Variants in PPM1B observed in about 807,000 individuals in gnomAD.
PPM1B encodes the protein protein phosphatase 1B.
PPM1B carries 22 observed loss-of-function variants against 43.0 expected under a neutral mutation model. The observed-to-expected ratio is 0.51, with a 90% CI of 0.37 to 0.73. PPM1B has a LOEUF of 0.73. PPM1B is among the 30% of genes least tolerant of loss of function. The probability of loss-of-function intolerance (pLI) is 0.00; values close to 1 mark genes in which losing one functional copy is unlikely to be tolerated. For missense variants in PPM1B, 632 were observed against 584.2 expected (o/e 1.08, Z -0.84); for synonymous variants, 217 against 197.9 (o/e 1.10, Z -0.81).
intron 1 of PPM1B, among the ~76,000 whole-genome samples, chr2:44,178,344 C>G (rs1407062341): frequency 2.6e-5 from 4 of 151,656 alleles, no homozygotes; most frequent in African/African-American, 7.2e-5. Flanking sequence ...AGTAAAATGG[C>G]TGAACTGTAG....
chr2:44,217,766 T>C (rs1669788967), intron 3 of PPM1B: 1 of 370,602 alleles, frequency 2.7e-6, no homozygotes, highest in Non-Finnish European at 4.9e-6. Flanking sequence ...ATAACTGTTT[T>C]TTCTTTTTTC....
intron 3 of PPM1B, among the ~76,000 whole-genome samples, chr2:44,216,285 G>A (rs1378799972): frequency 2.0e-5 from 3 of 152,122 alleles, no homozygotes; most frequent in East Asian, 1.9e-4. Context: ...ATAGCTGAGG[G>A]GGTGCCACTG....
At chr2:44,233,506 T>A (rs1272810606), downstream of PPM1B, 2 of 985,120 alleles carry the variant, frequency 2.0e-6, no homozygotes, top group Non-Finnish European at 2.4e-6. Flanking sequence ...GAAAGAAGTT[T>A]CTGGGTTAGG....
intron 5 of PPM1B, among the ~76,000 whole-genome samples, chr2:44,242,059 A>G (rs1368559617): frequency 6.6e-6 from 1 of 151,396 alleles, no homozygotes; most frequent in Non-Finnish European, 1.5e-5. Context: ...GGGGTTTCAC[A>G]GTGTTAGCCA....
At chr2:44,199,324 TAAAA>T (rs796771747) in intron 1 of PPM1B, among the ~76,000 whole-genome samples, 1 of 74,698 alleles carries the variant, frequency 1.3e-5, no homozygotes, top group Non-Finnish European at 2.8e-5. Context: ...AAAATAAAAA[TAAAA>T]AAAAAAAAAA....
At position 44,231,077 on chromosome 2, in the gene PPM1B, G is replaced by T. The variant is rs1294100535; in HGVS notation, c.*359G>T. ...AAACTTGTTAATGTAGAATTATACT[G>T]CTTCATATTATTTTACCTATTAGTA... is the stretch of plus-strand genomic sequence containing the variant. On this transcript the variant is annotated 3_prime_UTR_variant, in exon 6 of 6. Coordinates refer to ENST00000282412, the MANE Select transcript of PPM1B (RefSeq NM_002706.6). 9 of 902,358 alleles carry T rather than the reference G, an allele frequency of 1.0e-5. No individual in the cohort carries two copies. In the East Asian group the frequency reaches 8.0e-4, roughly 80 times the overall value. 55.9% of individuals were successfully genotyped at this position (902,358 alleles called of 1,614,324 possible).
At chr2:44,225,229 G>A (rs1015359819) in intron 5 of PPM1B, among the ~76,000 whole-genome samples, 1 of 152,178 alleles carries the variant, frequency 6.6e-6, no homozygotes, top group Non-Finnish European at 1.5e-5. Context: ...GACATAGAAT[G>A]GAATATGAAA....
downstream of PPM1B, among the ~76,000 whole-genome samples, chr2:44,238,832 A>G (rs1314048156): frequency 6.6e-6 from 1 of 152,186 alleles, no homozygotes; most frequent in African/African-American, 2.4e-5. Flanking sequence ...GCTCCTAAAG[A>G]TCCTATACTC....
downstream of PPM1B, chr2:44,232,612 A>G (rs1670500476): frequency 7.9e-7 from 1 of 1,264,556 alleles, no homozygotes; most frequent in Non-Finnish European, 1.0e-6. Flanking sequence ...CCTAGAAACC[A>G]GTGGAGTTAT....
chr2:44,182,084 C>G (rs544479640), intron 1 of PPM1B, among the ~76,000 whole-genome samples: 1 of 151,956 alleles, frequency 6.6e-6, no homozygotes, highest in Non-Finnish European at 1.5e-5. Flanking sequence ...CTTCTTCTTA[C>G]GACTGATAGT....
intron 5 of PPM1B, among the ~76,000 whole-genome samples, chr2:44,224,006 A>C (rs1322459319): frequency 6.6e-6 from 1 of 152,084 alleles, no homozygotes; most frequent in African/African-American, 2.4e-5. Flanking sequence ...AATTTATTAG[A>C]GTCTTCATTA....
At chr2:44,171,649 G>C (rs1030876935) in intron 1 of PPM1B, among the ~76,000 whole-genome samples, 7 of 151,628 alleles carry the variant, frequency 4.6e-5, no homozygotes, top group Admixed American at 4.6e-4. Flanking sequence ...GGCCAACATG[G>C]TGAAACACCA....
intron 1 of PPM1B, among the ~76,000 whole-genome samples, chr2:44,178,771 A>G (rs981571186): frequency 1.3e-5 from 2 of 151,984 alleles, no homozygotes; most frequent in East Asian, 3.9e-4. Flanking sequence ...TGCCCAGCCA[A>G]AAGTTTCTGT....
chr2:44,172,766 G>A (rs539053981), intron 1 of PPM1B, among the ~76,000 whole-genome samples: 1 of 152,204 alleles, frequency 6.6e-6, no homozygotes, highest in African/African-American at 2.4e-5. Flanking sequence ...AGTTAGCTGG[G>A]CTTGGTGGTG....
intron 1 of PPM1B, among the ~76,000 whole-genome samples, chr2:44,173,685 G>A (rs1667454724): frequency 6.6e-6 from 1 of 152,176 alleles, no homozygotes; most frequent in Admixed American, 6.5e-5. Flanking sequence ...GCTCATGCCT[G>A]TAATCCCAGT....
chr2:44,172,817 G>C (rs1165078611), intron 1 of PPM1B, among the ~76,000 whole-genome samples: 4 of 152,168 alleles, frequency 2.6e-5, no homozygotes, highest in Non-Finnish European at 5.9e-5. Flanking sequence ...TGAGGTGGGA[G>C]GATCGCTTGA....
At chr2:44,222,412 A>C (rs1299362641) in intron 5 of PPM1B, among the ~76,000 whole-genome samples, 2 of 152,246 alleles carry the variant, frequency 1.3e-5, no homozygotes, top group Admixed American at 6.5e-5. Flanking sequence ...ACTTTCATGC[A>C]AAAAGTTCTT....
At chr2:44,172,780 G>C (rs113619947) in intron 1 of PPM1B, among the ~76,000 whole-genome samples, 5 of 152,112 alleles carry the variant, frequency 3.3e-5, no homozygotes, top group Non-Finnish European at 7.3e-5. Context: ...GGTGGTGTGT[G>C]CACCTGTAGT....
At chr2:44,194,863 G>T (rs1210016865) in intron 1 of PPM1B, among the ~76,000 whole-genome samples, 1 of 148,966 alleles carries the variant, frequency 6.7e-6, no homozygotes, top group African/African-American at 2.5e-5. Context: ...AGTCTCTATA[G>T]TTCACTCTTT....
Sources: gnomAD v4.1 joint callset for allele counts (sites outside exome capture counted in the v4.1 genomes callset) on GRCh38, gnomAD v4.1.1 for gene constraint, MANE v1.5 for transcripts, NCBI Gene and HGNC (gene_info 2026-07-23, HGNC 2026-07-21) for gene names.